KCNH5: variants seen among roughly 807,000 people sequenced by gnomAD.
The protein encoded by KCNH5 is potassium voltage-gated channel subfamily H member 5, also known as voltage-gated delayed rectifier potassium channel KCNH5.
A neutral mutation model predicts 96.1 loss-of-function variants in KCNH5; 46 were observed. That is an observed-to-expected ratio of 0.48 (90% CI 0.38 to 0.61). The LOEUF (loss-of-function observed/expected upper bound fraction) is 0.61, where lower values mean the gene tolerates loss of function less well. KCNH5 is among the 20% of genes least tolerant of loss of function. KCNH5 has a pLI of 0.00. For synonymous variants in KCNH5, 439 were observed against 449.8 expected, an observed-to-expected ratio of 0.98 and a Z score of 0.30; for missense variants, 907 against 1,225.8, an observed-to-expected ratio of 0.74 and a Z score of 3.88.
At chr14:62,825,726 C>T (rs923913580) in intron 8 of KCNH5, among the ~76,000 whole-genome samples, 3 of 151,856 alleles carry the variant, frequency 2.0e-5, no homozygotes, top group African/African-American at 7.3e-5. Flanking sequence ...TTTCTTCATT[C>T]ATTCATTCTT....
intron 4 of KCNH5, 148 bp from the exon 5 acceptor site, chr14:62,987,335 A>G (rs1200419652): frequency 1.6e-6 from 1 of 628,396 alleles, no homozygotes; most frequent in African/African-American, 1.8e-5. Flanking sequence ...TTCCTTCTGT[A>G]TAGACATGCT....
intron 1 of KCNH5, among the ~76,000 whole-genome samples, chr14:63,018,036 T>C (rs999862272): frequency 1.3e-5 from 2 of 151,922 alleles, no homozygotes; most frequent in Non-Finnish European, 2.9e-5. Context: ...AAAACAAATA[T>C]GTAACAACAA....
At chr14:62,988,730 C>T (rs148216973) in intron 4 of KCNH5, among the ~76,000 whole-genome samples, 246 of 152,170 alleles carry the variant, frequency 1.6e-3, no homozygotes, top group African/African-American at 5.7e-3. Context: ...GACACCAACT[C>T]TCTAAAAACT....
intron 10 of KCNH5, among the ~76,000 whole-genome samples, chr14:62,730,965 C>T (rs1885035854): frequency 1.3e-5 from 2 of 152,056 alleles, no homozygotes; most frequent in Non-Finnish European, 2.9e-5. Context: ...TAAAAAATAG[C>T]ATTTGTAGGA....
chr14:62,747,676 C>T (rs1885407784), intron 10 of KCNH5, among the ~76,000 whole-genome samples: 2 of 152,168 alleles, frequency 1.3e-5, no homozygotes, highest in Non-Finnish European at 2.9e-5. Flanking sequence ...TGTTCGTTAA[C>T]CTAAATTAGA....
At chr14:63,035,674 G>T (rs925001247) in intron 1 of KCNH5, among the ~76,000 whole-genome samples, 3 of 152,132 alleles carry the variant, frequency 2.0e-5, no homozygotes, top group Non-Finnish European at 2.9e-5. Flanking sequence ...GTTTGTTTGG[G>T]TTTAGTATTC....
Position 62,987,151 on chromosome 14 carries a change from G to T in KCNH5, c.470C>A (p.Thr157Lys). Residue 157 changes from threonine (T) to lysine (K), a missense_variant, in exon 5 of 11, where the codon ACA (threonine) becomes AAA (lysine). This residue lies in a region of KCNH5 where 370 missense variants were observed against 561.3 expected (regional missense o/e 0.66). Coordinates refer to ENST00000322893, the MANE Select transcript of KCNH5 (RefSeq NM_139318.5). Reference sequence around the variant, plus strand: ...CTGCTGCAAAACACTTCGGCTATTTGTCAAAGCCCGTGTCAATCGGGCAAA... The same window carrying T: ...CTGCTGCAAAACACTTCGGCTATTTTTCAAAGCCCGTGTCAATCGGGCAAA... ...TKFARLTRAL[T>K]NSRSVLQQLT... 6.2e-7 allele frequency: 1 copy of T among 1,613,460 alleles called. No individual in the cohort carries two copies. Among genetic ancestry groups the T allele is most frequent in the Non-Finnish European group, 8.5e-7 (1 of 1,179,582 alleles).
chr14:62,793,093 A>G (rs1002794419), intron 9 of KCNH5, among the ~76,000 whole-genome samples: 2 of 151,804 alleles, frequency 1.3e-5, no homozygotes, highest in African/African-American at 4.8e-5. Context: ...TGTCTATAAT[A>G]GTTACATTCA....
intron 10 of KCNH5, among the ~76,000 whole-genome samples, chr14:62,729,190 A>G (rs1024978073): frequency 2.0e-5 from 3 of 152,104 alleles, no homozygotes; most frequent in African/African-American, 7.2e-5. Context: ...CCTGATTCTA[A>G]CTGTCAGAGT....
Position 62,739,131 on chromosome 14 carries a change from A to G in KCNH5, c.2020-30676T>C, listed in dbSNP as rs183618714. ...ATTTAAGGATCATCCCAAATATGTG[A>G]ACATTAAAAATGTCAACAGTTAACA... On this transcript the variant is annotated intron_variant, in intron 10 of 10. Coordinates refer to ENST00000322893, the MANE Select transcript of KCNH5 (RefSeq NM_139318.5). 4.6e-5 allele frequency among the ~76,000 whole-genome samples: 7 copies of G among 152,306 alleles called. No individual in the cohort carries two copies. The East Asian group carries it at 1.2e-3, about 25-fold the overall frequency.
intron 8 of KCNH5, among the ~76,000 whole-genome samples, chr14:62,848,885 G>A (rs1382175900): frequency 6.6e-6 from 1 of 152,158 alleles, no homozygotes; most frequent in Non-Finnish European, 1.5e-5. Context: ...AAGTAAAATA[G>A]CTCAAGACTG....
At chr14:62,985,936 GAACT>G (rs1455300961) in intron 5 of KCNH5, among the ~76,000 whole-genome samples, 1 of 152,074 alleles carries the variant, frequency 6.6e-6, no homozygotes, top group African/African-American at 2.4e-5. Context: ...TTAACCAACA[GAACT>G]ATCTACCCTG....
At chr14:62,990,393 A>G (rs553749980) in intron 4 of KCNH5, among the ~76,000 whole-genome samples, 118 of 152,190 alleles carry the variant, frequency 7.8e-4, no homozygotes, top group African/African-American at 2.6e-3. Context: ...GTATGTGTGT[A>G]CCTTAATTTA....
chr14:63,041,097 C>T (rs916343939), intron 1 of KCNH5, among the ~76,000 whole-genome samples: 8 of 152,024 alleles, frequency 5.3e-5, no homozygotes, highest in Admixed American at 3.9e-4. Flanking sequence ...AGCAACCTAG[C>T]TTACTGTCAC....
At chr14:62,749,225 C>A (rs1278023851) in intron 10 of KCNH5, among the ~76,000 whole-genome samples, 1 of 152,226 alleles carries the variant, frequency 6.6e-6, no homozygotes, top group Non-Finnish European at 1.5e-5. Context: ...CAATCCATAT[C>A]TTTAGGTTAC....
At chr14:63,009,005 A>G (rs1891177459) in intron 2 of KCNH5, among the ~76,000 whole-genome samples, 1 of 152,188 alleles carries the variant, frequency 6.6e-6, no homozygotes, top group Non-Finnish European at 1.5e-5. Context: ...AGATAAGGGC[A>G]ATTAAACTAA....
chr14:62,717,593 C>T lies in KCNH5; in HGVS notation c.2020-9138G>A, dbSNP rs1884712188. 1.3e-5 allele frequency among the ~76,000 whole-genome samples: 2 copies of T among 152,058 alleles called. 1 individual carries two copies. The highest frequency in any genetic ancestry group is 4.1e-4 in the South Asian group (2 of 4,820). On this transcript the variant is annotated intron_variant, in intron 10 of 10. Transcript: ENST00000322893. Reference sequence around the variant, plus strand: ...ACTGAAACAACTGCATATACACAAACAAGAAATGAATGTGGATATCTGCCT... The same window carrying T: ...ACTGAAACAACTGCATATACACAAATAAGAAATGAATGTGGATATCTGCCT...
rs182764739 is a variant in KCNH5 at position 62,707,309 on chromosome 14, T to G, written c.*199A>C. 1.2e-4 allele frequency: 38 copies of G among 321,344 alleles called. 2 individuals are homozygous for G. In the East Asian group the frequency reaches 1.6e-3, roughly 14 times the overall value. 19.9% of individuals were successfully genotyped at this position (321,344 alleles called of 1,614,324 possible). On this transcript the variant is annotated 3_prime_UTR_variant, in exon 11 of 11. Coordinates refer to ENST00000322893, the MANE Select transcript of KCNH5 (RefSeq NM_139318.5). ...AGTGTGCATGCAGTCAACTGCATAATATACAAGCAATATCTATGTTTTTAA... is the reference window on the plus strand; with the variant it reads ...AGTGTGCATGCAGTCAACTGCATAAGATACAAGCAATATCTATGTTTTTAA...
chr14:63,039,982 T>C (rs908678065), intron 1 of KCNH5, among the ~76,000 whole-genome samples: 13 of 152,064 alleles, frequency 8.5e-5, no homozygotes, highest in Admixed American at 7.2e-4. Flanking sequence ...TGACCTCTTG[T>C]GGTAAATACT....
Sources: allele counts gnomAD v4.1 joint callset (sites outside exome capture counted in the v4.1 genomes callset), GRCh38; gene constraint gnomAD v4.1.1; regional missense constraint gnomAD v4.1.1; transcripts MANE v1.5; gene names NCBI Gene and HGNC (gene_info 2026-07-23, HGNC 2026-07-21).